DOCK11: variants seen among roughly 807,000 people sequenced by gnomAD.
DOCK11 encodes the protein dedicator of cytokinesis protein 11.
A neutral mutation model predicts 169.1 loss-of-function variants in DOCK11; 70 were observed. That is an observed-to-expected ratio of 0.41 (90% confidence interval 0.34 to 0.51). The LOEUF (loss-of-function observed/expected upper bound fraction) is 0.51, where lower values mean the gene tolerates loss of function less well. Among genes scored for constraint, DOCK11 ranks in the 20% least tolerant of loss-of-function variants. The probability of loss-of-function intolerance (pLI) is 0.10; values close to 1 mark genes in which losing one functional copy is unlikely to be tolerated. For synonymous variants in DOCK11, 529 were observed against 541.3 expected, an observed-to-expected ratio of 0.98 and a Z score of 0.32; for missense variants, 1,166 against 1,538.8, an observed-to-expected ratio of 0.76 and a Z score of 4.05.
At chrX:118,643,398 G>C (rs1233140119) in intron 39 of DOCK11, 59 bp from the exon 40 acceptor site, 1 of 1,097,807 alleles carries the variant, frequency 9.1e-7, no homozygotes, top group Admixed American at 2.8e-5. Context: ...ACAGGTATTG[G>C]TGAAATCAGT....
chrX:118,599,319 T>C (rs2014266197), intron 23 of DOCK11, 91 bp downstream of exon 23: 3 of 656,046 alleles, frequency 4.6e-6, no homozygotes, highest in Non-Finnish European at 6.9e-6. Flanking sequence ...AAACAGACAG[T>C]TTAAAATATT....
chrX:118,624,610 A>G lies in DOCK11; in HGVS notation c.3543A>G (p.Leu1181=). The G allele has an allele frequency of 1.7e-6, 2 of 1,208,682 alleles. No individual in the cohort carries two copies. The highest frequency in any genetic ancestry group is 2.2e-5 in the Admixed American group (1 of 45,938). Residue 1181 remains leucine, a synonymous_variant, in exon 32 of 53, where the codon TTA becomes TTG. Transcript: ENST00000276202. ...VGLLLENIQR[L]AGRDTLYSCA... is the part of the protein sequence containing the mutation. ...TACTTTTGGAAAATATACAGCGATTAGCAGGTCGAGATACCTTGTATTCTT... is the reference window on the plus strand; with the variant it reads ...TACTTTTGGAAAATATACAGCGATTGGCAGGTCGAGATACCTTGTATTCTT...
intron 24 of DOCK11, among the ~76,000 whole-genome samples, chrX:118,607,112 CTTTTTTTTTTT>C (rs776058680): frequency 6.4e-3 from 406 of 62,973 alleles, no homozygotes; most frequent in Middle Eastern, 0.015. Flanking sequence ...TCCTTTCCTT[CTTTTTTTTTTT>C]TTTTTTTTTT....
chrX:118,569,090 C>CTTT (rs1556290561), intron 10 of DOCK11, among the ~76,000 whole-genome samples: 1 of 68,235 alleles, frequency 1.5e-5, no homozygotes, highest in Non-Finnish European at 2.9e-5. Flanking sequence ...TTCTTTCTTT[C>CTTT]CTTTTTTTTT....
intron 1 of DOCK11, among the ~76,000 whole-genome samples, chrX:118,536,537 T>C (rs890247213): frequency 8.9e-6 from 1 of 111,880 alleles, no homozygotes; most frequent in African/African-American, 3.2e-5. Context: ...TAAATCGATA[T>C]GATGAAATTC....
In DOCK11 at chrX:118,643,444, T is replaced by A. The variant is rs765061057; in HGVS notation, c.4261-13T>A. On this transcript the variant is annotated splice_polypyrimidine_tract_variant and intron_variant, in intron 39 of 52. Coordinates refer to ENST00000276202, the MANE Select transcript of DOCK11 (RefSeq NM_144658.4). The stretch of plus-strand genomic sequence containing the variant: ...TCAGTGGGGCATAAACCATATTTTT[T>A]AATGTTTTATAGACCCAACTTTTAA... 1 of 1,197,216 alleles carries A rather than the reference T, an allele frequency of 8.4e-7. No individual in the cohort carries two copies. The highest frequency in any genetic ancestry group is 1.8e-5 in the African/African-American group (1 of 56,721).
chrX:118,580,204 C>T (rs772318386), intron 14 of DOCK11, 25 bp downstream of exon 14: 97 of 1,154,908 alleles, frequency 8.4e-5, no homozygotes, highest in Admixed American at 1.4e-4. Flanking sequence ...AATCCTGACC[C>T]GCTCACTCGT....
chrX:118,662,676 A>G lies in DOCK11; in HGVS notation c.4970-10A>G. 1 of 1,061,173 alleles carries G rather than the reference A, an allele frequency of 9.4e-7. No homozygotes were observed. The allele number at this position is 1,061,173 out of a possible 1,213,427, so 87.5% of individuals were successfully genotyped here. On this transcript the variant is annotated splice_polypyrimidine_tract_variant and intron_variant, in intron 44 of 52. Transcript: ENST00000276202. ...ATAAATTCACTCCACTGTTTTTTTTATTCACACAGAATTATTTCCTAACGG... is the reference window on the plus strand; with the variant it reads ...ATAAATTCACTCCACTGTTTTTTTTGTTCACACAGAATTATTTCCTAACGG...
At chrX:118,602,453 C>A (rs1170649857) in intron 23 of DOCK11, among the ~76,000 whole-genome samples, 1 of 110,937 alleles carries the variant, frequency 9.0e-6, no homozygotes, top group Non-Finnish European at 1.9e-5. Context: ...TAGTTCAAAG[C>A]AATATATGAT....
At chrX:118,604,892 G>A (rs781275876) in intron 23 of DOCK11, among the ~76,000 whole-genome samples, 2 of 111,562 alleles carry the variant, frequency 1.8e-5, no homozygotes, top group East Asian at 5.6e-4. Context: ...GTTAGTAGAT[G>A]CATCTCCAGT....
intron 11 of DOCK11, 57 bp downstream of exon 11, chrX:118,572,520 T>C: frequency 9.2e-7 from 1 of 1,083,856 alleles, no homozygotes; most frequent in East Asian, 3.1e-5. Context: ...GAAATGTCTT[T>C]CTCAAAATAA....
Position 118,608,084 on chromosome X carries a change from T to C in DOCK11, c.2694T>C (p.His898=), listed in dbSNP as rs2014579632. 1 of 1,203,446 alleles carries C rather than the reference T, an allele frequency of 8.3e-7. No homozygotes were observed. The highest frequency in any genetic ancestry group is 1.7e-5 in the African/African-American group (1 of 57,490). ...AATGTCGTTTCAGGGTTCTCTTACA[T>C]ATTGTATCAAAGTGCCATGAAGAAG... ...VPINCTMVLL[H]IVSKCHEEGL... The change falls in exon 25 of 53, where the codon CAT becomes CAC. Residue 898 remains histidine (H), a synonymous_variant. Transcript: ENST00000276202.
intron 16 of DOCK11, 135 bp downstream of exon 16, chrX:118,585,252 T>G (rs2013783320): frequency 1.8e-6 from 1 of 557,443 alleles, no homozygotes; most frequent in East Asian, 3.7e-5. Flanking sequence ...TGTTACAAAT[T>G]GGGTGGCTTA....
At chrX:118,509,389 A>C (rs1481298013) in intron 1 of DOCK11, among the ~76,000 whole-genome samples, 2 of 111,072 alleles carry the variant, frequency 1.8e-5, no homozygotes, top group Non-Finnish European at 3.8e-5. Flanking sequence ...CAGCCTCCTG[A>C]GTAGCTGGGA....
Position 118,561,375 on chromosome X carries a change from C to T in DOCK11, c.559-8C>T, listed in dbSNP as rs2012903765. On this transcript the variant is annotated splice_polypyrimidine_tract_variant and splice_region_variant and intron_variant, in intron 6 of 52. Transcript: ENST00000276202. ...CAAATGTATCATTGCTGGGTTTTCC[C>T]CATGTAGGTATTCAAGAGACGATAT... 8.5e-7 allele frequency: 1 copy of T among 1,182,682 alleles called. No individual in the cohort carries two copies. Among genetic ancestry groups the T allele is most frequent in the Non-Finnish European group, 1.1e-6 (1 of 881,432 alleles).
intron 6 of DOCK11, among the ~76,000 whole-genome samples, chrX:118,552,531 C>T (rs1456299848): frequency 8.9e-6 from 1 of 112,455 alleles, no homozygotes; most frequent in East Asian, 2.8e-4. Context: ...ATCTGTACCA[C>T]CTTCTGAAAT....
rs149673570 is a variant in DOCK11 at position 118,658,276 on chromosome X, A to G, written c.4969+3315A>G. On this transcript the variant is annotated intron_variant, in intron 44 of 52. Coordinates refer to ENST00000276202, the MANE Select transcript of DOCK11 (RefSeq NM_144658.4). ...TTGCCAAAAATGTTTTGTTTTCTCT[A>G]ATTCCTAACCAGTTTCTCTTGAAGT... is the stretch of plus-strand genomic sequence containing the variant. Among the ~76,000 whole-genome samples, 5 of 112,750 alleles carry G rather than the reference A, an allele frequency of 4.4e-5. No homozygotes were observed. In the East Asian group the frequency reaches 1.4e-3, roughly 31 times the overall value.
chrX:118,502,866 G>T (rs1476376070), intron 1 of DOCK11, among the ~76,000 whole-genome samples: 2 of 111,107 alleles, frequency 1.8e-5, no homozygotes, highest in Non-Finnish European at 3.8e-5. Context: ...ATTTCTGGGT[G>T]TGAGCCGAGA....
Position 118,584,893 on chromosome X carries a change from A to G in DOCK11, c.1718+36A>G, listed in dbSNP as rs767385336. 5.1e-6 allele frequency: 6 copies of G among 1,171,395 alleles called. No individual in the cohort carries two copies. The South Asian group carries it at 9.7e-5, about 19-fold the overall frequency. ...GGTGTTTCTGCAATAAGTAAATATA[A>G]TAGATGAATCCTCAGTTTTTTAAAA... is the stretch of plus-strand genomic sequence containing the variant. On this transcript the variant is annotated intron_variant, in intron 15 of 52. Coordinates refer to ENST00000276202, the MANE Select transcript of DOCK11 (RefSeq NM_144658.4).
Sources: allele counts gnomAD v4.1 joint callset (sites outside exome capture counted in the v4.1 genomes callset), GRCh38; gene constraint gnomAD v4.1.1; transcripts MANE v1.5; gene names NCBI Gene and HGNC (gene_info 2026-07-23, HGNC 2026-07-21).